OR10J1: variants seen among roughly 807,000 people sequenced by gnomAD.
OR10J1 encodes olfactory receptor 10J1.
For synonymous variants in OR10J1, 202 were observed against 143.8 expected (o/e 1.40, Z -2.89); for missense variants, 474 against 376.6 (o/e 1.26, Z -2.14).
Position 159,440,818 on chromosome 1 carries a change from C to A in OR10J1, c.*97C>A. 1.5e-6 allele frequency: 2 copies of A among 1,327,484 alleles called. No individual in the cohort carries two copies. The highest frequency in any genetic ancestry group is 3.0e-5 in the South Asian group (2 of 65,850). The allele number at this position is 1,327,484 out of a possible 1,614,324, so 82.2% of individuals were successfully genotyped here. A position where few individuals can be genotyped will look rare whatever the true frequency, so the allele number is the denominator to read the frequency against. On this transcript the variant is annotated 3_prime_UTR_variant, in exon 1 of 1. Transcript: ENST00000423932. ...ACACTTGGCTCCTAGAGACCTGCCC[C>A]TTAAATAAGAGGCAAAAGAGGAATA...
chr1:159,405,965 C>CT, the OR10J1 span: 2 of 471,620 alleles, frequency 4.2e-6, no homozygotes, highest in Non-Finnish European at 8.0e-6. Flanking sequence ...GCCCTCTTAC[C>CT]TATGAATACC....
the OR10J1 span, among the ~76,000 whole-genome samples, chr1:159,416,083 G>A: frequency 6.6e-6 from 1 of 151,502 alleles, no homozygotes; most frequent in African/African-American, 2.4e-5. Flanking sequence ...GGTTTTTTTT[G>A]GTGGAGTCTT....
chr1:159,425,524 G>A, the OR10J1 span, among the ~76,000 whole-genome samples: 1 of 151,954 alleles, frequency 6.6e-6, no homozygotes, highest in African/African-American at 2.4e-5. Context: ...TAGTTCTGAT[G>A]GAGAGTTTGA....
the OR10J1 span, among the ~76,000 whole-genome samples, chr1:159,403,869 C>T: frequency 6.6e-6 from 1 of 152,064 alleles, no homozygotes; most frequent in African/African-American, 2.4e-5. Context: ...CCTAAGTGTC[C>T]ATCGATAGAT....
the OR10J1 span, among the ~76,000 whole-genome samples, chr1:159,424,189 A>G: frequency 1.4e-5 from 2 of 146,964 alleles, no homozygotes; most frequent in Non-Finnish European, 3.0e-5. Flanking sequence ...GCACTCTAGC[A>G]TGGGTGACAG....
chr1:159,428,750 G>A, the OR10J1 span, among the ~76,000 whole-genome samples: 3 of 152,306 alleles, frequency 2.0e-5, no homozygotes, highest in South Asian at 6.2e-4. Context: ...TTGGGTAAAT[G>A]TTTGAGGGCC....
chr1:159,439,708 A>G (rs375649007), upstream of OR10J1: 4 of 1,557,554 alleles, frequency 2.6e-6, no homozygotes, highest in East Asian at 2.3e-5. Flanking sequence ...TTGAACTTCA[A>G]TCAATTTCAG....
the OR10J1 span, among the ~76,000 whole-genome samples, chr1:159,427,107 T>C: frequency 6.6e-6 from 1 of 151,752 alleles, no homozygotes; most frequent in Non-Finnish European, 1.5e-5. Context: ...AAATAAACTA[T>C]GAGTTAAAGA....
At chr1:159,439,364 C>A (rs1655834706), upstream of OR10J1, among the ~76,000 whole-genome samples, 1 of 152,000 alleles carries the variant, frequency 6.6e-6, no homozygotes, top group South Asian at 2.1e-4. Context: ...GGTGAGGCAG[C>A]AATAATGGGG....
At chr1:159,404,381 T>C in the OR10J1 span, among the ~76,000 whole-genome samples, 1 of 152,042 alleles carries the variant, frequency 6.6e-6, no homozygotes, top group Non-Finnish European at 1.5e-5. Flanking sequence ...CACCTATTGT[T>C]TCCAGTATCC....
upstream of OR10J1, among the ~76,000 whole-genome samples, chr1:159,439,402 C>A (rs553222064): frequency 1.7e-3 from 263 of 152,242 alleles, 11 homozygotes; most frequent in South Asian, 0.052. Flanking sequence ...AACATGAGAA[C>A]CTCTGAGTGT....
chr1:159,413,727 A>G, the OR10J1 span, among the ~76,000 whole-genome samples: 1 of 151,400 alleles, frequency 6.6e-6, no homozygotes, highest in Non-Finnish European at 1.5e-5. Context: ...ATTAGGAGAT[A>G]TACCTAATGC....
the OR10J1 span, among the ~76,000 whole-genome samples, chr1:159,409,605 C>T: frequency 6.6e-6 from 1 of 152,022 alleles, no homozygotes; most frequent in South Asian, 2.1e-4. Context: ...TATACATTTC[C>T]ATCAAGATAA....
the OR10J1 span, among the ~76,000 whole-genome samples, chr1:159,413,985 A>G: frequency 6.6e-6 from 1 of 151,982 alleles, no homozygotes; most frequent in Non-Finnish European, 1.5e-5. Flanking sequence ...TATTTTACAT[A>G]TTTATGGGGT....
rs775109940 is a variant in OR10J1, at chr1:159,440,205, G to A, written c.414G>A (p.Lys138=). Reference sequence around the variant, plus strand: ...TGAGATACATGGTTATTATGAACAAGAGGCTGCGTATCCAACTTGTCCTGG... The same window carrying A: ...TGAGATACATGGTTATTATGAACAAAAGGCTGCGTATCCAACTTGTCCTGG... The part of the protein sequence containing the change: ...NPLRYMVIMN[K]RLRIQLVLGA... Residue 138 remains lysine (K), a synonymous_variant, in exon 1 of 1, where the codon AAG becomes AAA. Transcript: ENST00000423932. 5 of 1,614,146 alleles carry A rather than the reference G, an allele frequency of 3.1e-6. No individual in the cohort carries two copies. In the East Asian group the frequency reaches 8.9e-5, roughly 29 times the overall value.
chr1:159,427,984 G>A, the OR10J1 span, among the ~76,000 whole-genome samples: 4 of 152,160 alleles, frequency 2.6e-5, no homozygotes, highest in Non-Finnish European at 4.4e-5. Context: ...GAAACTAGCT[G>A]AAAATTTAAC....
At chr1:159,414,586 C>T in the OR10J1 span, among the ~76,000 whole-genome samples, 3 of 149,590 alleles carry the variant, frequency 2.0e-5, no homozygotes, top group East Asian at 6.0e-4. Flanking sequence ...TATTGATTTC[C>T]TTTCTTTTGA....
At chr1:159,407,786 T>A in the OR10J1 span, among the ~76,000 whole-genome samples, 2 of 152,160 alleles carry the variant, frequency 1.3e-5, no homozygotes. Context: ...TATTTCTTAT[T>A]CCCATACTAT....
the OR10J1 span, among the ~76,000 whole-genome samples, chr1:159,403,081 C>T: frequency 6.6e-6 from 1 of 152,062 alleles, no homozygotes; most frequent in Non-Finnish European, 1.5e-5. Flanking sequence ...AACTAGACCC[C>T]TATCTCTCAC....
Sources: allele counts gnomAD v4.1 joint callset (sites outside exome capture counted in the v4.1 genomes callset), GRCh38; gene constraint gnomAD v4.1.1; transcripts MANE v1.5; gene names NCBI Gene and HGNC (gene_info 2026-07-23, HGNC 2026-07-21).